PTPRT: variants seen among roughly 807,000 people sequenced by gnomAD.
PTPRT encodes the protein receptor-type tyrosine-protein phosphatase T.
A neutral mutation model predicts 176.8 loss-of-function variants in PTPRT; 56 were observed. That is an observed-to-expected ratio of 0.32 (90% CI 0.26 to 0.40). The LOEUF is 0.40. Ranked by LOEUF, PTPRT falls within the 10% of genes least tolerant of loss-of-function variation. The pLI is 1.00. For missense variants in PTPRT, 1,540 were observed against 1,908.2 expected (o/e 0.81, Z 3.60); for synonymous variants, 783 against 739.0 (o/e 1.06, Z -0.96).
intron 16 of PTPRT, among the ~76,000 whole-genome samples, chr20:42,166,541 A>T (rs1192897021): frequency 6.6e-6 from 1 of 152,214 alleles, no homozygotes; most frequent in Non-Finnish European, 1.5e-5. Flanking sequence ...TTGCCTCATT[A>T]TGAATGATAG....
intron 16 of PTPRT, among the ~76,000 whole-genome samples, chr20:42,171,975 G>A (rs568365873): frequency 6.6e-6 from 1 of 152,020 alleles, no homozygotes; most frequent in Non-Finnish European, 1.5e-5. Context: ...ATCCCCATAG[G>A]AGAGAGTCAG....
At chr20:42,302,610 A>C (rs1244868573) in intron 12 of PTPRT, among the ~76,000 whole-genome samples, 2 of 152,156 alleles carry the variant, frequency 1.3e-5, no homozygotes, top group Non-Finnish European at 2.9e-5. Context: ...GGGATTGCTG[A>C]TAATTTATTG....
chr20:42,866,622 T>A (rs1163096879), intron 2 of PTPRT, among the ~76,000 whole-genome samples: 2 of 152,176 alleles, frequency 1.3e-5, no homozygotes, highest in African/African-American at 4.8e-5. Context: ...CCTGACTTAA[T>A]CTCTGATGAA....
intron 7 of PTPRT, among the ~76,000 whole-genome samples, chr20:42,558,639 G>T (rs535428325): frequency 6.6e-6 from 1 of 152,014 alleles, no homozygotes; most frequent in African/African-American, 2.4e-5. Flanking sequence ...GGACTCACAC[G>T]GCACAGAGGG....
At position 42,989,908 on chromosome 20, in the gene PTPRT, T is replaced by C. The variant is rs533377265; in HGVS notation, c.89-103976A>G. ...AGGTCACACCACAGTCACATCCCCTTGGGCTTCTCCCAATAACACCACAGC... is the reference window on the plus strand; with the variant it reads ...AGGTCACACCACAGTCACATCCCCTCGGGCTTCTCCCAATAACACCACAGC... On this transcript the variant is annotated intron_variant, in intron 1 of 30. Transcript: ENST00000373187. Among the ~76,000 whole-genome samples, 7 of 152,338 alleles carry C rather than the reference T, an allele frequency of 4.6e-5. No individual in the cohort carries two copies. The East Asian group carries it at 7.7e-4, about 17-fold the overall frequency.
At chr20:42,595,495 A>G (rs1024168641) in intron 7 of PTPRT, among the ~76,000 whole-genome samples, 1 of 152,114 alleles carries the variant, frequency 6.6e-6, no homozygotes, top group East Asian at 1.9e-4. Flanking sequence ...ACTGCAGTGA[A>G]TTATTCAAGG....
intron 6 of PTPRT, among the ~76,000 whole-genome samples, chr20:42,708,084 A>AATATGTGTAAT (rs778784532): frequency 6.6e-6 from 1 of 152,214 alleles, no homozygotes; most frequent in Non-Finnish European, 1.5e-5. Context: ...AAATATGCAA[A>AATATGTGTAAT]ATATGTGTAA....
intron 1 of PTPRT, among the ~76,000 whole-genome samples, chr20:43,140,335 C>A (rs751420445): frequency 7.2e-5 from 11 of 152,048 alleles, no homozygotes; most frequent in Non-Finnish European, 1.3e-4. Flanking sequence ...CAATAAACAT[C>A]CCAGTACATA....
intron 12 of PTPRT, among the ~76,000 whole-genome samples, chr20:42,306,349 A>G (rs1427378545): frequency 6.6e-6 from 1 of 152,206 alleles, no homozygotes; most frequent in African/African-American, 2.4e-5. Flanking sequence ...AGGGATGCCC[A>G]AGTGAGTGGG....
chr20:42,490,208 A>G (rs2071537542), intron 7 of PTPRT, among the ~76,000 whole-genome samples: 1 of 152,124 alleles, frequency 6.6e-6, no homozygotes, highest in Non-Finnish European at 1.5e-5. Context: ...CTTGAAGTTG[A>G]CTACTATGAT....
chr20:42,995,464 T>C (rs1305322339), intron 1 of PTPRT, among the ~76,000 whole-genome samples: 1 of 152,112 alleles, frequency 6.6e-6, no homozygotes, highest in Non-Finnish European at 1.5e-5. Flanking sequence ...ACACCCAATT[T>C]AGGCATCCAC....
intron 9 of PTPRT, among the ~76,000 whole-genome samples, chr20:42,416,156 T>C (rs546426967): frequency 1.4e-4 from 22 of 152,256 alleles, no homozygotes; most frequent in Non-Finnish European, 8.8e-5. Flanking sequence ...CAATGACAAG[T>C]GTCCTTATAA....
rs1601066510 is a variant in PTPRT, at chr20:42,460,391, T to C, written c.1450+11875A>G. 4.6e-5 allele frequency among the ~76,000 whole-genome samples: 7 copies of C among 152,312 alleles called. No individual in the cohort carries two copies. The South Asian group carries it at 1.5e-3, about 32-fold the overall frequency. ...CCATTGTCCCTGGCTGTTTTCCTGC[T>C]ACAATGGTGGCATCGAGTAGCTGCT... On this transcript the variant is annotated intron_variant, in intron 8 of 30. Transcript: ENST00000373187.
At chr20:42,549,976 T>C (rs557770059) in intron 7 of PTPRT, among the ~76,000 whole-genome samples, 1 of 152,182 alleles carries the variant, frequency 6.6e-6, no homozygotes, top group Non-Finnish European at 1.5e-5. Context: ...TTGTTTCAAA[T>C]TGAAAATGGG....
intron 1 of PTPRT, among the ~76,000 whole-genome samples, chr20:43,140,226 T>G (rs1306465532): frequency 6.6e-6 from 1 of 152,206 alleles, no homozygotes; most frequent in Admixed American, 6.5e-5. Context: ...TGGATATTGT[T>G]CCATTAATGC....
intron 7 of PTPRT, among the ~76,000 whole-genome samples, chr20:42,632,342 G>T (rs1402368837): frequency 1.3e-5 from 2 of 152,020 alleles, no homozygotes; most frequent in African/African-American, 2.4e-5. Flanking sequence ...GCATTCCAGC[G>T]ATTCTCCTGC....
chr20:42,283,673 T>C (rs1026192263), intron 12 of PTPRT, among the ~76,000 whole-genome samples: 2 of 151,944 alleles, frequency 1.3e-5, no homozygotes, highest in African/African-American at 4.8e-5. Context: ...GAGAGAGTGC[T>C]AAAGGGTAAA....
chr20:42,960,525 G>T (rs1168133819), intron 1 of PTPRT, among the ~76,000 whole-genome samples: 1 of 152,184 alleles, frequency 6.6e-6, no homozygotes, highest in African/African-American at 2.4e-5. Flanking sequence ...GAATTTTCAA[G>T]GGATACAAAC....
chr20:42,958,579 A>C (rs1359606039), intron 1 of PTPRT, among the ~76,000 whole-genome samples: 2 of 151,996 alleles, frequency 1.3e-5, no homozygotes, highest in Non-Finnish European at 2.9e-5. Flanking sequence ...CAGGAAGCCA[A>C]GTGACCTCAC....
Sources: gnomAD v4.1 joint callset for allele counts (sites outside exome capture counted in the v4.1 genomes callset) on GRCh38, gnomAD v4.1.1 for gene constraint, MANE v1.5 for transcripts, NCBI Gene and HGNC (gene_info 2026-07-23, HGNC 2026-07-21) for gene names.